The following SLC4A10 variants were observed in gnomAD, a reference collection of about 807,000 sequenced individuals.
SLC4A10 encodes the protein solute carrier family 4 member 10.
A neutral mutation model predicts 137.7 loss-of-function variants in SLC4A10; 42 were observed. The ratio of observed to expected loss-of-function variants is 0.30; its 90% CI spans 0.24 to 0.39. The LOEUF (loss-of-function observed/expected upper bound fraction) is 0.39. Among genes scored for constraint, SLC4A10 ranks in the 10% least tolerant of loss-of-function variants. The pLI, the probability that SLC4A10 is intolerant of heterozygous loss-of-function variation, is 1.00. For synonymous variants in SLC4A10, 474 were observed against 464.1 expected, an observed-to-expected ratio of 1.02 and a Z score of -0.27; for missense variants, 925 against 1,355.0, an observed-to-expected ratio of 0.68 and a Z score of 4.98.
At chr2:161,628,991 T>A (rs1167063813) in intron 1 of SLC4A10, among the ~76,000 whole-genome samples, 1 of 151,944 alleles carries the variant, frequency 6.6e-6, no homozygotes, top group Admixed American at 6.6e-5. Flanking sequence ...TTCCAATATA[T>A]CATTTCTTTC....
chr2:161,636,414 G>A (rs1166793111), intron 1 of SLC4A10, among the ~76,000 whole-genome samples: 1 of 151,892 alleles, frequency 6.6e-6, no homozygotes, highest in Non-Finnish European at 1.5e-5. Flanking sequence ...CCTTTTTTGA[G>A]TTGGAGTTTC....
At chr2:161,905,345 A>G (rs927008061) in intron 14 of SLC4A10, among the ~76,000 whole-genome samples, 3 of 152,160 alleles carry the variant, frequency 2.0e-5, no homozygotes, top group Admixed American at 2.0e-4. Flanking sequence ...ACAGTTCACA[A>G]TAGGGCTTGT....
intron 1 of SLC4A10, among the ~76,000 whole-genome samples, chr2:161,663,762 C>A (rs2038725707): frequency 6.6e-6 from 1 of 151,888 alleles, no homozygotes; most frequent in African/African-American, 2.4e-5. Flanking sequence ...ATTTTATCTG[C>A]ACATTTTTGT....
At chr2:161,946,703 A>G (rs568163708) in intron 16 of SLC4A10, among the ~76,000 whole-genome samples, 106 of 146,516 alleles carry the variant, frequency 7.2e-4, no homozygotes, top group Middle Eastern at 3.5e-3. Context: ...GAGGAAAAAA[A>G]TTTTTTTGAC....
rs768149633 is a variant in SLC4A10, at chr2:161,976,916, A to G, written c.3344+40A>G. 18 of 1,109,190 alleles carry G rather than the reference A, an allele frequency of 1.6e-5. 1 individual carries two copies. In the South Asian group the frequency reaches 2.0e-4, roughly 12 times the overall value. The allele number at this position is 1,109,190 out of a possible 1,614,324, so 68.7% of individuals were successfully genotyped here. On this transcript the variant is annotated intron_variant, in intron 25 of 26. Coordinates refer to ENST00000446997, the MANE Select transcript of SLC4A10 (RefSeq NM_001178015.2). ...ATAATGAGAATTTATACTAATTCCA[A>G]TTGTTTTTTGACATAAACCATAAGC... is the stretch of plus-strand genomic sequence containing the variant.
intron 15 of SLC4A10, among the ~76,000 whole-genome samples, chr2:161,926,372 C>T (rs1436110551): frequency 1.8e-5 from 2 of 112,356 alleles, no homozygotes; most frequent in South Asian, 3.3e-4. Flanking sequence ...GATTGCAACC[C>T]CTGCCTTTTT....
chr2:161,761,879 T>A (rs1168330236), intron 1 of SLC4A10, among the ~76,000 whole-genome samples: 1 of 152,088 alleles, frequency 6.6e-6, no homozygotes, highest in African/African-American at 2.4e-5. Flanking sequence ...GACCTAACTG[T>A]GTGGTCCCTC....
Position 161,983,216 on chromosome 2 carries a change from A to G in SLC4A10, c.*64A>G. ...AAAAGAGAAGAAAGCTGACTCAGGGAAAGGTGTTGACAGGGAGACTTGTCT... is the reference window on the plus strand; with the variant it reads ...AAAAGAGAAGAAAGCTGACTCAGGGGAAGGTGTTGACAGGGAGACTTGTCT... On this transcript the variant is annotated 3_prime_UTR_variant, in exon 27 of 27. Transcript: ENST00000446997. The G allele has an allele frequency of 2.6e-6, 4 of 1,536,742 alleles. No individual in the cohort carries two copies. The highest frequency in any genetic ancestry group is 3.5e-6 in the Non-Finnish European group (4 of 1,147,006).
chr2:161,836,526 GAGAGAGAAAGAAAGAAAGAAAGAAAGAA>G (rs2058784132), intron 3 of SLC4A10, among the ~76,000 whole-genome samples: 4 of 74,828 alleles, frequency 5.3e-5, no homozygotes, highest in East Asian at 4.3e-4. Context: ...GAAAGAGAGA[GAGAGAGAAAGAAAGAAAGAAAGAAAGAA>G]AGAAAGAAAG....
At chr2:161,829,317 C>T (rs1280783620) in intron 3 of SLC4A10, among the ~76,000 whole-genome samples, 1 of 152,054 alleles carries the variant, frequency 6.6e-6, no homozygotes, top group East Asian at 1.9e-4. Flanking sequence ...AGATACTATC[C>T]TACAGTTAAT....
chr2:161,817,831 T>C (rs1334178838), intron 3 of SLC4A10, among the ~76,000 whole-genome samples: 1 of 151,986 alleles, frequency 6.6e-6, no homozygotes, highest in Non-Finnish European at 1.5e-5. Context: ...TCTGTTCCAT[T>C]GATCTATATC....
At chr2:161,667,983 T>C (rs13015678) in intron 1 of SLC4A10, among the ~76,000 whole-genome samples, 2 of 151,864 alleles carry the variant, frequency 1.3e-5, no homozygotes, top group South Asian at 2.1e-4. Context: ...TTTTCTATAC[T>C]TATAAACTGA....
intron 19 of SLC4A10, among the ~76,000 whole-genome samples, chr2:161,955,489 C>A (rs1363734145): frequency 6.6e-6 from 1 of 152,064 alleles, no homozygotes; most frequent in African/African-American, 2.4e-5. Flanking sequence ...TGTAGTATTG[C>A]CCCAGTAAGC....
At chr2:161,946,817 A>T (rs1446934518) in intron 16 of SLC4A10, among the ~76,000 whole-genome samples, 1 of 152,080 alleles carries the variant, frequency 6.6e-6, no homozygotes, top group African/African-American at 2.4e-5. Context: ...AAGTCATAGT[A>T]AATATGAGCT....
At chr2:161,649,307 G>A (rs2036486170) in intron 1 of SLC4A10, among the ~76,000 whole-genome samples, 1 of 152,200 alleles carries the variant, frequency 6.6e-6, no homozygotes, top group East Asian at 1.9e-4. Context: ...TTTGCAGTGA[G>A]CCGAGATTGT....
At chr2:161,874,673 A>G (rs1161460289) in intron 8 of SLC4A10, among the ~76,000 whole-genome samples, 2 of 152,158 alleles carry the variant, frequency 1.3e-5, no homozygotes, top group Non-Finnish European at 2.9e-5. Context: ...GCTGTTGTTC[A>G]TAGCATGGCA....
intron 9 of SLC4A10, 43 bp downstream of exon 9, chr2:161,879,331 C>A (rs2061618004): frequency 1.3e-6 from 2 of 1,518,116 alleles, no homozygotes; most frequent in East Asian, 4.7e-5. Flanking sequence ...CTTAAACCAT[C>A]TTTTCATGGA....
intron 15 of SLC4A10, among the ~76,000 whole-genome samples, chr2:161,937,191 TA>T (rs1013558352): frequency 1.3e-5 from 2 of 152,032 alleles, no homozygotes; most frequent in Non-Finnish European, 2.9e-5. Flanking sequence ...ACCATTGTGT[TA>T]AAAAAAAGAT....
rs1381113172 is a variant in SLC4A10, at chr2:161,640,631, TC to T, written c.48+16067del. On this transcript the variant is annotated intron_variant, in intron 1 of 26. Coordinates refer to ENST00000446997, the MANE Select transcript of SLC4A10 (RefSeq NM_001178015.2). ...TTCCTTCCTTCCTTCCTTCCTTCCT[TC>T]CTTCCTTCCTTCCTTCCTTCCTTCC... Among the ~76,000 whole-genome samples the T allele has an allele frequency of 3.8e-4, 55 of 145,934 alleles. 1 individual carries two copies. Among genetic ancestry groups the T allele is most frequent in the African/African-American group, 1.3e-3 (51 of 38,988 alleles).
Sources: gnomAD v4.1 joint callset for allele counts (sites outside exome capture counted in the v4.1 genomes callset) on GRCh38, gnomAD v4.1.1 for gene constraint, MANE v1.5 for transcripts, NCBI Gene and HGNC (gene_info 2026-07-23, HGNC 2026-07-21) for gene names.